Variants in RPH3AL observed in about 807,000 individuals in gnomAD.
RPH3AL encodes the protein rabphilin 3A like (without C2 domains), also known as rab effector Noc2.
Under a neutral mutation model 43.1 loss-of-function variants are expected in RPH3AL, and 38 were observed. That is an observed-to-expected ratio of 0.88 (90% CI 0.68 to 1.15). The LOEUF (loss-of-function observed/expected upper bound fraction) is 1.15. RPH3AL is among the 50% of genes most tolerant of loss of function. The pLI, the probability that RPH3AL is intolerant of heterozygous loss-of-function variation, is 0.00. For synonymous variants in RPH3AL, 189 were observed against 176.3 expected (o/e 1.07, Z -0.57); for missense variants, 462 against 423.2 (o/e 1.09, Z -0.81).
rs755361349 is a variant in RPH3AL, at chr17:246,821, C to T, written c.613+290G>A. ...TTGACGTCCCATTTCTGTGAAGATG[C>T]GTAGTGCTGCTCATGGCATCCTTGC... On this transcript the variant is annotated intron_variant, in intron 7 of 9. Coordinates refer to ENST00000331302, the MANE Select transcript of RPH3AL (RefSeq NM_006987.4). The surrounding 1 kb of genome is among the most constrained non-coding windows in gnomAD (Gnocchi z 4.8). Among the ~76,000 whole-genome samples, 15 of 152,220 alleles carry T rather than the reference C, an allele frequency of 9.9e-5. No individual in the cohort carries two copies. Among genetic ancestry groups the T allele is most frequent in the Non-Finnish European group, 1.6e-4 (11 of 68,032 alleles).
intron 1 of RPH3AL, among the ~76,000 whole-genome samples, chr17:349,645 G>A (rs182740803): frequency 7.0e-6 from 1 of 143,308 alleles, no homozygotes; most frequent in East Asian, 2.2e-4. Flanking sequence ...AATGTAGCAA[G>A]ACCCCATCTC....
intron 5 of RPH3AL, among the ~76,000 whole-genome samples, chr17:303,554 G>GA (rs2043388900): frequency 9.6e-6 from 1 of 104,230 alleles, no homozygotes; most frequent in Non-Finnish European, 1.9e-5. Flanking sequence ...GGGAGGGAGG[G>GA]AGGCTGTACT....
intron 5 of RPH3AL, among the ~76,000 whole-genome samples, chr17:304,461 C>G (rs1256510176): frequency 6.6e-6 from 1 of 152,116 alleles, no homozygotes; most frequent in Non-Finnish European, 1.5e-5. Flanking sequence ...CCAAGAGAAG[C>G]TAACTCATTA....
At chr17:272,886 C>T (rs990253431) in intron 6 of RPH3AL, among the ~76,000 whole-genome samples, 2 of 151,374 alleles carry the variant, frequency 1.3e-5, no homozygotes, top group Non-Finnish European at 2.9e-5. Flanking sequence ...AATAAAGACC[C>T]AGCCTCAGTG....
rs2040901955 is a variant in RPH3AL, at chr17:219,542, T to TTTTTTTTTTA, written c.727+80_727+81insTAAAAAAAAA. 20 of 374,930 alleles carry TTTTTTTTTTA rather than the reference T, an allele frequency of 5.3e-5. 5 individuals are homozygous for TTTTTTTTTTA. The highest frequency in any genetic ancestry group is 2.0e-4 in the South Asian group (5 of 24,410). 23.2% of individuals were successfully genotyped at this position (374,930 alleles called of 1,614,324 possible). On this transcript the variant is annotated intron_variant, in intron 8 of 9. Transcript: ENST00000331302. ...TTTTTCTTCCTTTTTTTTTTTTTTT[T>TTTTTTTTTTA]GAGATGGAGTTTCGCTCCTGTTGCC...
chr17:338,598 A>C (rs1440302661), intron 1 of RPH3AL: 2 of 152,228 alleles, frequency 1.3e-5, no homozygotes, highest in Admixed American at 1.3e-4. Context: ...TGCCCAGAAA[A>C]TGCCCAAGTG....
At chr17:334,247 C>T (rs2044878885) in intron 1 of RPH3AL, among the ~76,000 whole-genome samples, 1 of 152,244 alleles carries the variant, frequency 6.6e-6, no homozygotes, top group South Asian at 2.1e-4. Context: ...CCCTGACCTT[C>T]CAAAACTCTC....
intron 7 of RPH3AL, among the ~76,000 whole-genome samples, chr17:229,051 C>T (rs2041167348): frequency 6.6e-6 from 1 of 152,202 alleles, no homozygotes; most frequent in Admixed American, 6.5e-5. Context: ...GCTATACAAG[C>T]CTATACATAT....
intron 5 of RPH3AL, among the ~76,000 whole-genome samples, chr17:299,981 C>T (rs1048169354): frequency 4.0e-5 from 6 of 151,216 alleles, no homozygotes; most frequent in Non-Finnish European, 8.8e-5. Flanking sequence ...AATCTCTCAC[C>T]CGCTCTAGCA....
At chr17:331,926 A>C in intron 2 of RPH3AL, 1 of 1,240,032 alleles carries the variant, frequency 8.1e-7, no homozygotes, top group Non-Finnish European at 1.1e-6. Context: ...AGGGCCTTAT[A>C]GAAGGTGAGT....
chr17:246,632 G>T lies in RPH3AL; in HGVS notation c.613+479C>A, dbSNP rs2151544186. Among the ~76,000 whole-genome samples the T allele has an allele frequency of 6.6e-6, 1 of 152,244 alleles. No individual in the cohort carries two copies. The highest frequency in any genetic ancestry group is 1.5e-5 in the Non-Finnish European group (1 of 68,014). ...CCTGAGACACACACACCTTACTGTA[G>T]CCACCAGAACGCCCAGGGACACTGG... On this transcript the variant is annotated intron_variant, in intron 7 of 9. Transcript: ENST00000331302. The surrounding 1 kb of genome is among the most constrained non-coding windows in gnomAD (Gnocchi z 4.8).
At chr17:286,575 T>A (rs2042917949) in intron 5 of RPH3AL, among the ~76,000 whole-genome samples, 1 of 152,238 alleles carries the variant, frequency 6.6e-6, no homozygotes, top group African/African-American at 2.4e-5. Context: ...GCTCGGTCTT[T>A]GTTCCCAGGT....
intron 2 of RPH3AL, among the ~76,000 whole-genome samples, chr17:327,858 A>G (rs2044654418): frequency 6.6e-6 from 1 of 152,194 alleles, no homozygotes; most frequent in Non-Finnish European, 1.5e-5. Flanking sequence ...TTAGAGTCAG[A>G]AAGGAGAGAG....
chr17:342,850 T>C lies in RPH3AL; in HGVS notation c.-212-8916A>G, dbSNP rs183277332. Among the ~76,000 whole-genome samples the C allele has an allele frequency of 9.2e-4, 140 of 152,254 alleles. 1 individual carries two copies. Among genetic ancestry groups the C allele is most frequent in the Non-Finnish European group, 1.7e-3 (114 of 68,016 alleles). On this transcript the variant is annotated intron_variant, in intron 1 of 9. Transcript: ENST00000331302. ...ATATGTTATTAATTTATTCTCCTCA[T>C]AGAGAATTTATAGAGTCTCATTGAC...
chr17:228,857 G>A (rs752159296), intron 7 of RPH3AL, among the ~76,000 whole-genome samples: 12 of 152,086 alleles, frequency 7.9e-5, no homozygotes, highest in Admixed American at 2.6e-4. Flanking sequence ...TTTTTCTGTC[G>A]CAGCAGAGGC....
rs375571667 is a variant in RPH3AL, at chr17:269,036, G to A, written c.438+12732C>T. On this transcript the variant is annotated intron_variant, in intron 6 of 9. Transcript: ENST00000331302. ...TGGGACTACAGGCGCCCGCCACCAC[G>A]CCTGGCTAATTTTTTGTATTTTTAG... Among the ~76,000 whole-genome samples, 97 of 152,102 alleles carry A rather than the reference G, an allele frequency of 6.4e-4. No homozygotes were observed. In the Middle Eastern group the frequency reaches 0.01, roughly 16 times the overall value.
intron 5 of RPH3AL, among the ~76,000 whole-genome samples, chr17:293,209 C>T (rs1013140939): frequency 1.3e-5 from 2 of 152,222 alleles, no homozygotes; most frequent in African/African-American, 4.8e-5. Context: ...TTTCCTGTGG[C>T]TTTCAAGCTC....
chr17:293,139 C>G (rs4561533), intron 5 of RPH3AL, among the ~76,000 whole-genome samples: 10 of 152,160 alleles, frequency 6.6e-5, no homozygotes, highest in Middle Eastern at 6.8e-3. Context: ...GGACCACCTG[C>G]GAGCCTCAGG....
chr17:228,726 G>A (rs1454208555), intron 7 of RPH3AL, among the ~76,000 whole-genome samples: 1 of 152,134 alleles, frequency 6.6e-6, no homozygotes, highest in Non-Finnish European at 1.5e-5. Context: ...CACCAAGCAC[G>A]CAGGATGCCC....
Sources: allele counts gnomAD v4.1 joint callset (sites outside exome capture counted in the v4.1 genomes callset), GRCh38; gene constraint gnomAD v4.1.1; non-coding constraint Gnocchi (gnomAD v3.1); transcripts MANE v1.5; gene names NCBI Gene and HGNC (gene_info 2026-07-23, HGNC 2026-07-21).